The following RBFOX1 variants were observed in gnomAD, a reference collection of about 807,000 sequenced individuals.
The protein encoded by RBFOX1 is RNA binding fox-1 homolog 1.
A neutral mutation model predicts 57.7 loss-of-function variants in RBFOX1; 8 were observed. The ratio of observed to expected loss-of-function variants is 0.14; its 90% CI spans 0.08 to 0.25. RBFOX1 has a LOEUF of 0.25. RBFOX1 is among the 10% of genes least tolerant of loss of function. The pLI, the probability that RBFOX1 is intolerant of heterozygous loss-of-function variation, is 1.00. For missense variants in RBFOX1, 611 were observed against 548.5 expected, an observed-to-expected ratio of 1.11 and a Z score of -1.14; for synonymous variants, 326 against 222.4, an observed-to-expected ratio of 1.47 and a Z score of -4.15.
At chr16:6,896,330 A>C (rs7204853) in intron 3 of RBFOX1, among the ~76,000 whole-genome samples, 47,109 of 152,094 alleles carry the variant, frequency 0.31, 9,224 homozygotes, top group African/African-American at 0.55. Flanking sequence ...AGTTATTTTT[A>C]AATATAAAAT....
chr16:7,707,421 G>C (rs1413670853), intron 14 of RBFOX1, among the ~76,000 whole-genome samples: 2 of 152,128 alleles, frequency 1.3e-5, no homozygotes, highest in East Asian at 1.9e-4. Context: ...AGAGGGAAAA[G>C]GTACGTGCAA....
intron 3 of RBFOX1, among the ~76,000 whole-genome samples, chr16:6,695,639 T>C (rs541930117): frequency 1.3e-5 from 2 of 152,164 alleles, no homozygotes; most frequent in Non-Finnish European, 2.9e-5. Flanking sequence ...GAGAATATAT[T>C]GTAAAAGACG....
At chr16:7,016,196 A>G (rs2093903232) in intron 3 of RBFOX1, among the ~76,000 whole-genome samples, 1 of 152,130 alleles carries the variant, frequency 6.6e-6, no homozygotes, top group Non-Finnish European at 1.5e-5. Context: ...TCCTTTGTTG[A>G]GATCAGGAAA....
At chr16:7,140,157 C>CCTCCCTCTCTCT (rs2073300584) in intron 4 of RBFOX1, among the ~76,000 whole-genome samples, 1 of 70,868 alleles carries the variant, frequency 1.4e-5, no homozygotes, top group African/African-American at 5.9e-5. Context: ...TCCTTCTCTC[C>CCTCCCTCTCTCT]CTCTCTCTCT....
intron 2 of RBFOX1, among the ~76,000 whole-genome samples, chr16:6,632,717 C>G (rs1350936681): frequency 2.0e-5 from 3 of 152,216 alleles, no homozygotes; most frequent in African/African-American, 7.2e-5. Flanking sequence ...GCCTAACCAA[C>G]CTGGAATTTA....
At chr16:7,111,562 C>A (rs1182097261) in intron 4 of RBFOX1, among the ~76,000 whole-genome samples, 1 of 152,058 alleles carries the variant, frequency 6.6e-6, no homozygotes, top group Non-Finnish European at 1.5e-5. Flanking sequence ...TCAGTTTTAT[C>A]AGCTTATCCT....
intron 4 of RBFOX1, among the ~76,000 whole-genome samples, chr16:5,958,233 T>C (rs989104802): frequency 6.6e-6 from 1 of 152,234 alleles, no homozygotes; most frequent in South Asian, 2.1e-4. Flanking sequence ...CAGAGCTTTC[T>C]TGTGGCCCTG....
chr16:5,486,741 T>C (rs11860717), intron 2 of RBFOX1, among the ~76,000 whole-genome samples: 53,941 of 151,998 alleles, frequency 0.35, 9,953 homozygotes, highest in South Asian at 0.57. Flanking sequence ...TCAGGACTCA[T>C]TGACCTTCCC....
At chr16:7,414,819 T>C (rs1441138267) in intron 4 of RBFOX1, among the ~76,000 whole-genome samples, 1 of 152,162 alleles carries the variant, frequency 6.6e-6, no homozygotes, top group Non-Finnish European at 1.5e-5. Context: ...GGTTTTGCCA[T>C]GTTAGCCAGG....
Position 7,638,347 on chromosome 16 carries a change from G to A in RBFOX1, c.757+7664G>A, listed in dbSNP as rs573819330. 3.9e-5 allele frequency among the ~76,000 whole-genome samples: 6 copies of A among 152,190 alleles called. No individual in the cohort carries two copies. In the South Asian group the frequency reaches 1.0e-3, roughly 26 times the overall value. On this transcript the variant is annotated intron_variant, in intron 11 of 15. Transcript: ENST00000550418. ...CTTGGGGGCGTTAAGAAGCTTGTCC[G>A]AGATCACCCAGCTAGATCAGCTTTG...
intron 1 of RBFOX1, among the ~76,000 whole-genome samples, chr16:5,435,573 C>A (rs1485470089): frequency 6.6e-6 from 1 of 152,182 alleles, no homozygotes; most frequent in Non-Finnish European, 1.5e-5. Context: ...GTCGTCACCA[C>A]CCACTGAGAC....
chr16:6,773,891 T>C (rs1402784965), intron 3 of RBFOX1: 1 of 927,608 alleles, frequency 1.1e-6, no homozygotes, highest in East Asian at 1.2e-4. Flanking sequence ...TGTGTATTTG[T>C]GTGGGCATGG....
At chr16:6,611,321 A>T (rs763310432) in intron 2 of RBFOX1, among the ~76,000 whole-genome samples, 1 of 152,090 alleles carries the variant, frequency 6.6e-6, no homozygotes, top group East Asian at 1.9e-4. Flanking sequence ...TAATTTTTGT[A>T]TTTTTAGTAG....
chr16:7,023,589 A>T (rs2039977868), intron 3 of RBFOX1, among the ~76,000 whole-genome samples: 1 of 150,314 alleles, frequency 6.7e-6, no homozygotes, highest in South Asian at 2.1e-4. Flanking sequence ...AAAAAAAAAA[A>T]AAAAATTAGC....
intron 2 of RBFOX1, among the ~76,000 whole-genome samples, chr16:6,562,859 TCTTTCTTTCTTTCTTTC>T (rs1299313442): frequency 0.028 from 1,929 of 69,524 alleles, 240 homozygotes; most frequent in African/African-American, 0.088. Context: ...TTTCTTTCTT[TCTTTCTTTCTTTCTTTC>T]TTTCTTTTTT....
intron 3 of RBFOX1, among the ~76,000 whole-genome samples, chr16:6,790,434 C>T (rs1365660898): frequency 6.6e-6 from 1 of 152,114 alleles, no homozygotes; most frequent in Non-Finnish European, 1.5e-5. Context: ...ATCTACCCAC[C>T]TCGGCCTCCC....
intron 4 of RBFOX1, among the ~76,000 whole-genome samples, chr16:7,216,994 TCCTCCCTCCCTCCCTTCCCTCCCTCCCTC>T (rs1284931843): frequency 3.3e-5 from 3 of 90,586 alleles, no homozygotes; most frequent in South Asian, 4.3e-4. Context: ...TTTCCTTCCT[TCCTCCCTCCCTCCCTTCCCTCCCTCCCTC>T]CCTCCCTCCC....
At chr16:5,630,545 C>CT (rs2048474763) in intron 3 of RBFOX1, among the ~76,000 whole-genome samples, 1 of 152,180 alleles carries the variant, frequency 6.6e-6, no homozygotes, top group Non-Finnish European at 1.5e-5. Context: ...TCTTCAATCT[C>CT]TGCCTGCAGG....
intron 4 of RBFOX1, among the ~76,000 whole-genome samples, chr16:7,507,561 C>CTTTTTTTTTTTTTTTTTTTTTT (rs200393762): frequency 8.1e-6 from 1 of 122,904 alleles, no homozygotes. Context: ...TTTTTTCTTT[C>CTTTTTTTTTTTTTTTTTTTTTT]TTTCTTTTTT....
Sources: allele counts gnomAD v4.1 joint callset (sites outside exome capture counted in the v4.1 genomes callset), GRCh38; gene constraint gnomAD v4.1.1; transcripts MANE v1.5; gene names NCBI Gene and HGNC (gene_info 2026-07-23, HGNC 2026-07-21).